CDK14: variants seen among roughly 807,000 people sequenced by gnomAD.
The protein encoded by CDK14 is cyclin dependent kinase 14.
A neutral mutation model predicts 60.7 loss-of-function variants in CDK14; 34 were observed. The ratio of observed to expected loss-of-function variants is 0.56; its 90% CI spans 0.43 to 0.75. CDK14 has a LOEUF of 0.75. Ranked by LOEUF, CDK14 falls within the 30% of genes least tolerant of loss-of-function variation. The pLI is 0.00. For missense variants in CDK14, 482 were observed against 564.1 expected, an observed-to-expected ratio of 0.85 and a Z score of 1.47; for synonymous variants, 197 against 203.7, an observed-to-expected ratio of 0.97 and a Z score of 0.28.
At chr7:91,136,016 G>GA (rs1212340276) in intron 14 of CDK14, among the ~76,000 whole-genome samples, 1 of 151,792 alleles carries the variant, frequency 6.6e-6, no homozygotes, top group Non-Finnish European at 1.5e-5. Flanking sequence ...GAAGATGGCT[G>GA]AAAAAAAATG....
At chr7:90,932,275 C>T (rs147790406) in intron 8 of CDK14, among the ~76,000 whole-genome samples, 4,035 of 152,228 alleles carry the variant, frequency 0.027, 83 homozygotes, top group Non-Finnish European at 0.039. Flanking sequence ...GAGGCTGACA[C>T]GGGCAGATTG....
intron 11 of CDK14, among the ~76,000 whole-genome samples, chr7:91,052,199 A>G (rs1373649175): frequency 1.3e-5 from 2 of 152,196 alleles, no homozygotes; most frequent in Non-Finnish European, 2.9e-5. Flanking sequence ...GGGAGCATCT[A>G]GTCTGGCTTT....
At chr7:90,829,519 C>A (rs892228548) in intron 5 of CDK14, among the ~76,000 whole-genome samples, 2 of 152,100 alleles carry the variant, frequency 1.3e-5, no homozygotes, top group Admixed American at 1.3e-4. Context: ...GTCTGAAATC[C>A]AGCAGGGCAG....
intron 2 of CDK14, among the ~76,000 whole-genome samples, chr7:90,639,771 C>T (rs1172301376): frequency 6.6e-6 from 1 of 151,836 alleles, no homozygotes; most frequent in Non-Finnish European, 1.5e-5. Context: ...TTGGGCTCCA[C>T]CCAGTTCGAG....
intron 6 of CDK14, among the ~76,000 whole-genome samples, chr7:90,873,003 A>C (rs376888765): frequency 9.9e-5 from 15 of 152,234 alleles, no homozygotes; most frequent in African/African-American, 3.6e-4. Context: ...AGTAATAAAA[A>C]GATAATTCCT....
Position 90,965,182 on chromosome 7 carries a change from G to A in CDK14, c.947+9365G>A, listed in dbSNP as rs77321610. ...TCATCCCCATCCCCACTTTGTCTCT[G>A]CATGGTGTTGTAGGTCCTAAGATGG... On this transcript the variant is annotated intron_variant, in intron 9 of 14. Coordinates refer to ENST00000380050, the MANE Select transcript of CDK14 (RefSeq NM_001287135.2). Among the ~76,000 whole-genome samples, 1,502 of 152,094 alleles carry A rather than the reference G, an allele frequency of 9.9e-3. 24 individuals carry two copies. Among genetic ancestry groups the A allele is most frequent in the African/African-American group, 0.033 (1,379 of 41,480 alleles).
At chr7:90,698,897 C>T (rs1303191558) in intron 2 of CDK14, among the ~76,000 whole-genome samples, 1 of 152,158 alleles carries the variant, frequency 6.6e-6, no homozygotes, top group Non-Finnish European at 1.5e-5. Flanking sequence ...TACCCTGCAG[C>T]TTTGTAGTTA....
chr7:90,935,229 T>C (rs1157647950), intron 8 of CDK14, among the ~76,000 whole-genome samples: 1 of 152,202 alleles, frequency 6.6e-6, no homozygotes, highest in South Asian at 2.1e-4. Flanking sequence ...AGGGCAGAGC[T>C]CTCATAACCT....
intron 11 of CDK14, among the ~76,000 whole-genome samples, chr7:91,067,124 C>T (rs988940482): frequency 1.3e-5 from 2 of 152,182 alleles, no homozygotes; most frequent in Non-Finnish European, 2.9e-5. Flanking sequence ...TATTCATAGG[C>T]AGTTGACTAT....
intron 14 of CDK14, among the ~76,000 whole-genome samples, chr7:91,139,402 A>G (rs1377326150): frequency 1.3e-5 from 2 of 152,154 alleles, no homozygotes; most frequent in Non-Finnish European, 2.9e-5. Context: ...ATACTGAGTC[A>G]CTTAATAAAA....
chr7:90,757,293 A>G (rs2374358), intron 4 of CDK14, among the ~76,000 whole-genome samples: 65,360 of 147,404 alleles, frequency 0.44, 15,264 homozygotes, highest in East Asian at 0.81. Context: ...CTGTCAGGAC[A>G]TGAGTTATAT....
At chr7:90,966,307 AT>A (rs1465141926) in intron 9 of CDK14, among the ~76,000 whole-genome samples, 1 of 152,008 alleles carries the variant, frequency 6.6e-6, no homozygotes, top group Non-Finnish European at 1.5e-5. Context: ...GGATGGGGAC[AT>A]TTTTTGGCTT....
chr7:90,706,079 T>C (rs140069399), intron 2 of CDK14, among the ~76,000 whole-genome samples: 196 of 152,310 alleles, frequency 1.3e-3, no homozygotes, highest in Non-Finnish European at 2.1e-3. Flanking sequence ...CTCTGTCCAC[T>C]GAGATTGTTT....
intron 10 of CDK14, among the ~76,000 whole-genome samples, chr7:91,026,435 C>T (rs997664510): frequency 1.3e-5 from 2 of 152,108 alleles, no homozygotes; most frequent in Non-Finnish European, 2.9e-5. Context: ...TTAAAGTAAT[C>T]ACAAGACAGG....
intron 2 of CDK14, among the ~76,000 whole-genome samples, chr7:90,665,505 T>G (rs1008304003): frequency 6.6e-6 from 1 of 152,162 alleles, no homozygotes; most frequent in African/African-American, 2.4e-5. Flanking sequence ...CCAGTAAGGC[T>G]GTGAGGGTAC....
At chr7:91,049,711 T>C (rs966977698) in intron 11 of CDK14, among the ~76,000 whole-genome samples, 2 of 152,264 alleles carry the variant, frequency 1.3e-5, no homozygotes, top group African/African-American at 4.8e-5. Flanking sequence ...AAATAACTTA[T>C]TTTTTAGTTA....
chr7:90,608,281 GATTT>G (rs1403055618), intron 2 of CDK14, among the ~76,000 whole-genome samples: 1 of 152,124 alleles, frequency 6.6e-6, no homozygotes, highest in African/African-American at 2.4e-5. Context: ...TTGATTTAAT[GATTT>G]ATTTTAGAAT....
intron 5 of CDK14, among the ~76,000 whole-genome samples, chr7:90,795,155 A>C (rs1279506430): frequency 1.3e-5 from 2 of 152,208 alleles, no homozygotes; most frequent in African/African-American, 4.8e-5. Flanking sequence ...ATACCAAACT[A>C]TCTAGGAATA....
intron 5 of CDK14, among the ~76,000 whole-genome samples, chr7:90,808,248 C>A (rs1465353592): frequency 6.6e-6 from 1 of 152,200 alleles, no homozygotes; most frequent in Admixed American, 6.5e-5. Context: ...GGAAGCCCAT[C>A]AGACTAACAG....
Sources: gnomAD v4.1 joint callset for allele counts (sites outside exome capture counted in the v4.1 genomes callset) on GRCh38, gnomAD v4.1.1 for gene constraint, MANE v1.5 for transcripts, NCBI Gene and HGNC (gene_info 2026-07-23, HGNC 2026-07-21) for gene names.